Variants in NAA11 observed in about 807,000 individuals in gnomAD.
The protein encoded by NAA11 is N-alpha-acetyltransferase 11, NatA catalytic subunit, also known as N-alpha-acetyltransferase 11.
Under a neutral mutation model 16.1 loss-of-function variants are expected in NAA11, and 15 were observed. That is an observed-to-expected ratio of 0.93 (90% confidence interval 0.62 to 1.44). The LOEUF (loss-of-function observed/expected upper bound fraction) is 1.44. NAA11 is among the 40% of genes most tolerant of loss of function. NAA11 has a pLI of 0.00. For synonymous variants in NAA11, 122 were observed against 112.4 expected (o/e 1.09, Z -0.54); for missense variants, 298 against 291.3 (o/e 1.02, Z -0.17).
chr4:79,297,565 G>C (rs985897225), intron 1 of NAA11, among the ~76,000 whole-genome samples: 4 of 152,204 alleles, frequency 2.6e-5, no homozygotes, highest in African/African-American at 9.7e-5. Context: ...CCTGGTGCCT[G>C]CTCCAATCTC....
At chr4:79,199,851 T>C in the NAA11 span, among the ~76,000 whole-genome samples, 5 of 151,934 alleles carry the variant, frequency 3.3e-5, no homozygotes, top group African/African-American at 9.7e-5. Flanking sequence ...GAAATCATTA[T>C]AATTGAATTT....
At chr4:79,231,302 G>T (rs1468063150) in intron 2 of NAA11, among the ~76,000 whole-genome samples, 4 of 152,054 alleles carry the variant, frequency 2.6e-5, no homozygotes, top group South Asian at 2.1e-4. Flanking sequence ...GGAGAAGATT[G>T]GGAAGAGAGG....
At chr4:79,164,003 G>C in the NAA11 span, among the ~76,000 whole-genome samples, 1 of 151,754 alleles carries the variant, frequency 6.6e-6, no homozygotes, top group African/African-American at 2.4e-5. Context: ...TTTTCTTCTC[G>C]GTCTTTTTAT....
At chr4:79,289,635 G>A (rs944685004) in intron 2 of NAA11, among the ~76,000 whole-genome samples, 4 of 152,116 alleles carry the variant, frequency 2.6e-5, no homozygotes, top group African/African-American at 7.2e-5. Context: ...GCTAGTTGGT[G>A]GGAAGCTGGG....
At chr4:79,217,619 A>C in the NAA11 span, among the ~76,000 whole-genome samples, 8 of 152,308 alleles carry the variant, frequency 5.3e-5, no homozygotes, top group South Asian at 1.7e-3. Context: ...AAATATAAGC[A>C]CATGAATTAT....
chr4:79,188,402 G>C, the NAA11 span, among the ~76,000 whole-genome samples: 1 of 151,960 alleles, frequency 6.6e-6, no homozygotes, highest in African/African-American at 2.4e-5. Context: ...TGGCTAACGC[G>C]GTGAAACCCC....
At chr4:79,206,322 AC>A in the NAA11 span, among the ~76,000 whole-genome samples, 1 of 152,006 alleles carries the variant, frequency 6.6e-6, no homozygotes, top group Non-Finnish European at 1.5e-5. Flanking sequence ...AAGATATGCC[AC>A]CTCCTTAGTA....
chr4:79,321,079 C>T (rs1430784735), intron 1 of NAA11, among the ~76,000 whole-genome samples: 3 of 152,136 alleles, frequency 2.0e-5, no homozygotes, highest in East Asian at 1.9e-4. Flanking sequence ...ATAACAGAAT[C>T]CCATAGTTTT....
downstream of NAA11, among the ~76,000 whole-genome samples, chr4:79,223,429 G>A (rs1460413457): frequency 1.4e-5 from 2 of 145,268 alleles, no homozygotes; most frequent in African/African-American, 2.6e-5. Flanking sequence ...CTCACTCATA[G>A]GTGGGAATTG....
intron 2 of NAA11, among the ~76,000 whole-genome samples, chr4:79,265,067 T>G (rs1722314909): frequency 6.6e-6 from 1 of 152,198 alleles, no homozygotes; most frequent in South Asian, 2.1e-4. Flanking sequence ...ATTTTCCCTA[T>G]CTCAATAAAT....
At chr4:79,202,622 T>TTTATATATATATATATATATATAG in the NAA11 span, among the ~76,000 whole-genome samples, 1 of 55,690 alleles carries the variant, frequency 1.8e-5, no homozygotes, top group Non-Finnish European at 3.9e-5. Context: ...TATATATAGT[T>TTTATATATATATATATATATATAG]TTATATATAT....
the NAA11 span, among the ~76,000 whole-genome samples, chr4:79,187,450 A>G: frequency 1.3e-5 from 2 of 152,220 alleles, no homozygotes; most frequent in Non-Finnish European, 2.9e-5. Context: ...AAAATTTTAC[A>G]TGGAGAAAAG....
chr4:79,288,304 C>T (rs915381923), intron 2 of NAA11, among the ~76,000 whole-genome samples: 9 of 152,056 alleles, frequency 5.9e-5, no homozygotes, highest in Admixed American at 1.3e-4. Flanking sequence ...TCTGCACAGA[C>T]GCATTTCACA....
intron 2 of NAA11, among the ~76,000 whole-genome samples, chr4:79,276,974 T>C (rs1045917104): frequency 4.6e-5 from 7 of 152,166 alleles, no homozygotes; most frequent in African/African-American, 1.7e-4. Context: ...GTTAAAGGAA[T>C]AGCTGAACAA....
the NAA11 span, among the ~76,000 whole-genome samples, chr4:79,167,317 G>A: frequency 1.4e-5 from 2 of 139,828 alleles, no homozygotes; most frequent in African/African-American, 5.4e-5. Flanking sequence ...TAAGAAATCA[G>A]GGAAGAGTAC....
intron 1 of NAA11, among the ~76,000 whole-genome samples, chr4:79,303,074 TTTTA>T (rs1237700112): frequency 1.4e-5 from 1 of 72,284 alleles, no homozygotes; most frequent in Admixed American, 1.5e-4. Flanking sequence ...TCTTGAGGCC[TTTTA>T]TATATATATA....
chr4:79,213,820 A>G, the NAA11 span, among the ~76,000 whole-genome samples: 15 of 152,164 alleles, frequency 9.9e-5, no homozygotes, highest in Non-Finnish European at 2.9e-5. Flanking sequence ...TCTATTCATT[A>G]TAATTGCTCA....
intron 2 of NAA11, among the ~76,000 whole-genome samples, chr4:79,274,262 G>T (rs1722567640): frequency 6.6e-6 from 1 of 152,074 alleles, no homozygotes; most frequent in Non-Finnish European, 1.5e-5. Flanking sequence ...CATCGGGATG[G>T]TGTTGGCAAT....
intron 1 of NAA11, among the ~76,000 whole-genome samples, chr4:79,303,418 C>G (rs1026630822): frequency 6.6e-5 from 10 of 151,870 alleles, no homozygotes; most frequent in African/African-American, 1.7e-4. Flanking sequence ...TCCAAGGAAG[C>G]CTGGGACGAC....
Sources: gnomAD v4.1 joint callset for allele counts (sites outside exome capture counted in the v4.1 genomes callset) on GRCh38, gnomAD v4.1.1 for gene constraint, MANE v1.5 for transcripts, NCBI Gene and HGNC (gene_info 2026-07-23, HGNC 2026-07-21) for gene names.